FHIT: variants seen among roughly 807,000 people sequenced by gnomAD.
The protein encoded by FHIT is bis(5'-adenosyl)-triphosphatase.
Under a neutral mutation model 17.9 loss-of-function variants are expected in FHIT, and 19 were observed. The observed-to-expected ratio is 1.06, with a 90% CI of 0.74 to 1.56. The LOEUF (loss-of-function observed/expected upper bound fraction) is 1.56, where lower values mean the gene tolerates loss of function less well. Among genes scored for constraint, FHIT ranks in the 40% most tolerant of loss-of-function variants. The pLI, the probability that FHIT is intolerant of heterozygous loss-of-function variation, is 0.00. For missense variants in FHIT, 248 were observed against 189.2 expected (o/e 1.31, Z -1.82); for synonymous variants, 81 against 69.7 (o/e 1.16, Z -0.81).
At chr3:60,388,268 A>C (rs772564449) in intron 5 of FHIT, among the ~76,000 whole-genome samples, 14 of 152,198 alleles carry the variant, frequency 9.2e-5, no homozygotes, top group Non-Finnish European at 1.9e-4. Flanking sequence ...CCTCAAATGT[A>C]CTTCAGATAG....
At chr3:61,099,758 A>T (rs2035759561) in intron 2 of FHIT, among the ~76,000 whole-genome samples, 1 of 152,004 alleles carries the variant, frequency 6.6e-6, no homozygotes, top group Non-Finnish European at 1.5e-5. Flanking sequence ...GTCAGTGATA[A>T]TATCCTCCTT....
intron 2 of FHIT, among the ~76,000 whole-genome samples, chr3:61,076,260 C>T (rs1201947300): frequency 6.6e-6 from 1 of 152,148 alleles, no homozygotes; most frequent in African/African-American, 2.4e-5. Context: ...CAAAGCACTT[C>T]CCCATAGAGA....
chr3:60,176,632 G>A (rs1288821117), intron 5 of FHIT, among the ~76,000 whole-genome samples: 1 of 152,148 alleles, frequency 6.6e-6, no homozygotes, highest in African/African-American at 2.4e-5. Context: ...AAAAACACAA[G>A]TCAGGTAAGT....
intron 5 of FHIT, among the ~76,000 whole-genome samples, chr3:60,373,196 T>C (rs1180507402): frequency 2.0e-5 from 3 of 152,242 alleles, no homozygotes; most frequent in Admixed American, 6.5e-5. Flanking sequence ...ATGATCTGAT[T>C]GTAATTGTGA....
chr3:60,082,362 A>C (rs938840249), intron 5 of FHIT, among the ~76,000 whole-genome samples: 6 of 152,038 alleles, frequency 3.9e-5, no homozygotes, highest in Admixed American at 6.6e-5. Context: ...TATTTCCTTT[A>C]TCTAATCCAC....
In FHIT at chr3:59,986,421, T is replaced by C. The variant is rs558545867; in HGVS notation, c.279+24950A>G. Among the ~76,000 whole-genome samples the C allele has an allele frequency of 1.6e-4, 24 of 148,002 alleles. 1 individual carries two copies. The South Asian group carries it at 3.6e-3, about 22-fold the overall frequency. On this transcript the variant is annotated intron_variant, in intron 7 of 9. Transcript: ENST00000492590. ...CTTACTTCTCAAACAGTTATTCCCT[T>C]TGCTATATCACCCAGAAGTCTGTGA...
intron 4 of FHIT, among the ~76,000 whole-genome samples, chr3:60,736,901 C>A (rs535638330): frequency 6.6e-6 from 1 of 152,128 alleles, no homozygotes; most frequent in Non-Finnish European, 1.5e-5. Context: ...ATTAAAGTGA[C>A]GTTCTTGTTG....
intron 4 of FHIT, among the ~76,000 whole-genome samples, chr3:60,639,918 A>C (rs1390888334): frequency 2.6e-5 from 4 of 152,226 alleles, no homozygotes; most frequent in African/African-American, 4.8e-5. Flanking sequence ...ATGGATACAC[A>C]AAATGTCGAA....
intron 5 of FHIT, among the ~76,000 whole-genome samples, chr3:60,245,759 A>G (rs1344037443): frequency 6.6e-6 from 1 of 152,092 alleles, no homozygotes; most frequent in Non-Finnish European, 1.5e-5. Context: ...AATGTTTTTA[A>G]TATCAGGAAA....
At chr3:60,029,921 G>A (rs1002097140) in intron 5 of FHIT, among the ~76,000 whole-genome samples, 1 of 151,196 alleles carries the variant, frequency 6.6e-6, no homozygotes, top group South Asian at 2.1e-4. Context: ...GTGTGTGTGT[G>A]TGTGTGTACA....
At chr3:60,112,978 A>G (rs532434990) in intron 5 of FHIT, among the ~76,000 whole-genome samples, 4 of 152,300 alleles carry the variant, frequency 2.6e-5, no homozygotes, top group African/African-American at 9.6e-5. Context: ...TCAGATGGAC[A>G]ATCTGTTGAG....
chr3:61,136,836 A>C (rs190303148), intron 2 of FHIT, among the ~76,000 whole-genome samples: 1 of 152,304 alleles, frequency 6.6e-6, no homozygotes, highest in East Asian at 1.9e-4. Flanking sequence ...CAACATAGAA[A>C]CATGGAAAAC....
chr3:60,379,871 C>G (rs972194590), intron 5 of FHIT, among the ~76,000 whole-genome samples: 1 of 152,098 alleles, frequency 6.6e-6, no homozygotes, highest in Non-Finnish European at 1.5e-5. Flanking sequence ...AACAAAACAC[C>G]TACCTAAATA....
intron 3 of FHIT, among the ~76,000 whole-genome samples, chr3:60,982,593 C>T (rs888214982): frequency 1.3e-5 from 2 of 152,174 alleles, no homozygotes; most frequent in African/African-American, 2.4e-5. Context: ...CCCTCCTCCC[C>T]GTTTGTACAG....
intron 4 of FHIT, among the ~76,000 whole-genome samples, chr3:60,794,842 A>G (rs887732887): frequency 1.3e-5 from 2 of 151,982 alleles, no homozygotes; most frequent in Admixed American, 6.6e-5. Context: ...TTTTTTCTTT[A>G]TTTGTGCTAT....
intron 4 of FHIT, among the ~76,000 whole-genome samples, chr3:60,611,357 A>G (rs1405184184): frequency 6.6e-6 from 1 of 152,212 alleles, no homozygotes; most frequent in Non-Finnish European, 1.5e-5. Flanking sequence ...ACAGAAATAT[A>G]TGGCAGGACA....
intron 8 of FHIT, among the ~76,000 whole-genome samples, chr3:59,818,542 T>A (rs1700683702): frequency 6.6e-6 from 1 of 152,132 alleles, no homozygotes; most frequent in African/African-American, 2.4e-5. Flanking sequence ...ATCTACACAG[T>A]CTCTACCTCA....
chr3:60,663,536 A>G (rs1007060279), intron 4 of FHIT, among the ~76,000 whole-genome samples: 1 of 151,916 alleles, frequency 6.6e-6, no homozygotes, highest in African/African-American at 2.4e-5. Flanking sequence ...CCTAGGTTCA[A>G]GTGATTCTCC....
At chr3:60,057,134 A>G (rs1428076803) in intron 5 of FHIT, among the ~76,000 whole-genome samples, 5 of 152,190 alleles carry the variant, frequency 3.3e-5, no homozygotes, top group African/African-American at 9.7e-5. Context: ...AGTGGGATTC[A>G]CTTTGTGAAC....
Sources: gnomAD v4.1 joint callset for allele counts (sites outside exome capture counted in the v4.1 genomes callset) on GRCh38, gnomAD v4.1.1 for gene constraint, MANE v1.5 for transcripts, NCBI Gene and HGNC (gene_info 2026-07-23, HGNC 2026-07-21) for gene names.